The following TTC7B variants were observed in gnomAD, a reference collection of about 807,000 sequenced individuals.
TTC7B encodes tetratricopeptide repeat protein 7B.
TTC7B carries 28 observed loss-of-function variants against 106.8 expected under a neutral mutation model. That is an observed-to-expected ratio of 0.26 (90% CI 0.19 to 0.36). The LOEUF is 0.36. Ranked by LOEUF, TTC7B falls within the 10% of genes least tolerant of loss-of-function variation. The pLI is 1.00. For synonymous variants in TTC7B, 405 were observed against 430.6 expected (o/e 0.94, Z 0.74); for missense variants, 862 against 1,076.4 (o/e 0.80, Z 2.79).
At position 90,584,313 on chromosome 14, in the gene TTC7B, C is replaced by T. The variant is rs138358271; in HGVS notation, c.2108-6005G>A. ...GAACCTCACGCAGGTCTAGTTTCCT[C>T]GTTCATTCATTCATTCATTCATCAA... On this transcript the variant is annotated intron_variant, in intron 18 of 19. Coordinates refer to ENST00000328459, the MANE Select transcript of TTC7B (RefSeq NM_001010854.2). Among the ~76,000 whole-genome samples, 769 of 152,346 alleles carry T rather than the reference C, an allele frequency of 5.0e-3. 3 individuals carry two copies. The highest frequency in any genetic ancestry group is 8.6e-3 in the Non-Finnish European group (582 of 68,032).
intron 4 of TTC7B, among the ~76,000 whole-genome samples, chr14:90,739,554 A>G (rs1382587629): frequency 1.3e-5 from 2 of 152,238 alleles, no homozygotes; most frequent in East Asian, 1.9e-4. Flanking sequence ...CCAGGCTGCC[A>G]GTGAACAGCC....
At chr14:90,586,951 C>G (rs1233447044) in intron 18 of TTC7B, among the ~76,000 whole-genome samples, 1 of 152,200 alleles carries the variant, frequency 6.6e-6, no homozygotes, top group Non-Finnish European at 1.5e-5. Context: ...TTTTCCTTCA[C>G]CCCTCAACAT....
chr14:90,603,382 G>T (rs1265803949), intron 17 of TTC7B: 2 of 1,014,182 alleles, frequency 2.0e-6, no homozygotes, highest in Non-Finnish European at 1.3e-6. Context: ...CTAAAAAAGC[G>T]AACAGAGTTC....
intron 3 of TTC7B, among the ~76,000 whole-genome samples, chr14:90,756,382 T>G (rs1328831333): frequency 3.3e-4 from 6 of 18,298 alleles, no homozygotes; most frequent in African/African-American, 8.4e-4. Context: ...CTTTTTTTTT[T>G]TGTTTTTTTT....
At chr14:90,582,055 ATCCCTCCGTTT>A (rs1371719057) in intron 18 of TTC7B, among the ~76,000 whole-genome samples, 1 of 152,186 alleles carries the variant, frequency 6.6e-6, no homozygotes, top group Non-Finnish European at 1.5e-5. Flanking sequence ...TTACTCCCAA[ATCCCTCCGTTT>A]TCAGCTCAAA....
chr14:90,601,713 C>T (rs1892431814), intron 17 of TTC7B, among the ~76,000 whole-genome samples: 1 of 152,218 alleles, frequency 6.6e-6, no homozygotes. Flanking sequence ...TGCTGCTTCG[C>T]TCCAATCCTG....
At chr14:90,752,939 T>C (rs1254991234) in intron 3 of TTC7B, among the ~76,000 whole-genome samples, 1 of 152,238 alleles carries the variant, frequency 6.6e-6, no homozygotes, top group Non-Finnish European at 1.5e-5. Context: ...TGATTTTCTT[T>C]CCTACCAAGA....
At chr14:90,587,970 A>C (rs746103514) in intron 18 of TTC7B, among the ~76,000 whole-genome samples, 33 of 152,196 alleles carry the variant, frequency 2.2e-4, no homozygotes, top group Non-Finnish European at 3.8e-4. Flanking sequence ...ATGAGGACTG[A>C]ACAAATTAAG....
intron 8 of TTC7B, among the ~76,000 whole-genome samples, chr14:90,678,404 C>T (rs1886924940): frequency 6.6e-6 from 1 of 152,134 alleles, no homozygotes. Context: ...TTCTGACATC[C>T]AAAAAACACA....
chr14:90,664,863 G>A (rs1886349043), intron 9 of TTC7B, among the ~76,000 whole-genome samples: 1 of 152,168 alleles, frequency 6.6e-6, no homozygotes, highest in East Asian at 1.9e-4. Flanking sequence ...CACAATGAAG[G>A]CTATCAATGG....
chr14:90,701,048 C>T (rs1053975887), intron 5 of TTC7B, among the ~76,000 whole-genome samples: 1 of 152,002 alleles, frequency 6.6e-6, no homozygotes, highest in African/African-American at 2.4e-5. Context: ...AGATGGCTTG[C>T]TGCAGTCAGG....
Position 90,732,261 on chromosome 14 carries a change from A to G in TTC7B, c.577-2065T>C, listed in dbSNP as rs1484537133. Among the ~76,000 whole-genome samples the G allele has an allele frequency of 1.1e-4, 16 of 152,278 alleles. No individual in the cohort carries two copies. The East Asian group carries it at 2.7e-3, about 26-fold the overall frequency. ...TGTCCCTCCTAATTATTTCTCAACT[A>G]TGTCTGTGACTATCCATTTCTACTA... On this transcript the variant is annotated intron_variant, in intron 4 of 19. Coordinates refer to ENST00000328459, the MANE Select transcript of TTC7B (RefSeq NM_001010854.2).
chr14:90,609,418 T>C (rs529271038), intron 17 of TTC7B, among the ~76,000 whole-genome samples: 5 of 152,156 alleles, frequency 3.3e-5, no homozygotes, highest in Admixed American at 6.5e-5. Context: ...AGGGCAGAAA[T>C]GCAGTCTGCA....
chr14:90,554,249 C>T (rs2139775673), intron 19 of TTC7B, among the ~76,000 whole-genome samples: 1 of 152,348 alleles, frequency 6.6e-6, no homozygotes, highest in Non-Finnish European at 1.5e-5. Context: ...CACAGTCCCC[C>T]ACCCACTCTG....
At chr14:90,584,984 C>T (rs1307446883) in intron 18 of TTC7B, among the ~76,000 whole-genome samples, 5 of 152,158 alleles carry the variant, frequency 3.3e-5, no homozygotes, top group African/African-American at 7.2e-5. Flanking sequence ...TCAGCTCTGT[C>T]GGCTCTCACT....
intron 16 of TTC7B, among the ~76,000 whole-genome samples, chr14:90,611,707 G>A (rs924901883): frequency 6.6e-6 from 1 of 152,160 alleles, no homozygotes; most frequent in African/African-American, 2.4e-5. Context: ...GCTTGGCACT[G>A]TTCACCCGGT....
At position 90,577,173 on chromosome 14, in the gene TTC7B, G is replaced by A. The variant is rs1462743997; in HGVS notation, c.2310+933C>T. ...CTTTCCTGCGGTTCATGACATCAGCGATGTCTACTGCTAAAAATGAAACAA... is the reference window on the plus strand; with the variant it reads ...CTTTCCTGCGGTTCATGACATCAGCAATGTCTACTGCTAAAAATGAAACAA... On this transcript the variant is annotated intron_variant, in intron 19 of 19. Transcript: ENST00000328459. This position sits in a 1 kb window ranked among gnomAD's most constrained non-coding sequence, Gnocchi z 5.0. Among the ~76,000 whole-genome samples, 3 of 152,170 alleles carry A rather than the reference G, an allele frequency of 2.0e-5. No individual in the cohort carries two copies. The highest frequency in any genetic ancestry group is 6.5e-5 in the Admixed American group (1 of 15,280).
intron 18 of TTC7B, among the ~76,000 whole-genome samples, chr14:90,582,219 T>C (rs1891525161): frequency 6.6e-6 from 1 of 152,202 alleles, no homozygotes; most frequent in Non-Finnish European, 1.5e-5. Flanking sequence ...TTTGCCCCCC[T>C]CTCTCTGCCT....
chr14:90,633,068 C>T (rs1275947983), intron 15 of TTC7B, among the ~76,000 whole-genome samples: 4 of 152,206 alleles, frequency 2.6e-5, no homozygotes, highest in African/African-American at 7.2e-5. Context: ...CAGAAGTGTT[C>T]TAGAAGACCT....
Sources: gnomAD v4.1 joint callset for allele counts (sites outside exome capture counted in the v4.1 genomes callset) on GRCh38, gnomAD v4.1.1 for gene constraint, Gnocchi (gnomAD v3.1) non-coding constraint, MANE v1.5 for transcripts, NCBI Gene and HGNC (gene_info 2026-07-23, HGNC 2026-07-21) for gene names.